TTC7B: variants seen among roughly 807,000 people sequenced by gnomAD.
TTC7B encodes tetratricopeptide repeat domain 7B, also known as tetratricopeptide repeat protein 7B.
A neutral mutation model predicts 106.8 loss-of-function variants in TTC7B; 28 were observed. The ratio of observed to expected loss-of-function variants is 0.26; its 90% CI spans 0.19 to 0.36. The LOEUF (loss-of-function observed/expected upper bound fraction) is 0.36, where lower values mean the gene tolerates loss of function less well. TTC7B is among the 10% of genes least tolerant of loss of function. TTC7B has a pLI of 1.00. For synonymous variants in TTC7B, 405 were observed against 430.6 expected (o/e 0.94, Z 0.74); for missense variants, 862 against 1,076.4 (o/e 0.80, Z 2.79).
At chr14:90,610,866 T>C in intron 16 of TTC7B, 27 bp from the exon 17 acceptor site, 1 of 1,551,796 alleles carries the variant, frequency 6.4e-7, no homozygotes, top group Non-Finnish European at 8.9e-7. Flanking sequence ...CAAATGTCAG[T>C]CACCTGCAAG....
intron 19 of TTC7B, among the ~76,000 whole-genome samples, chr14:90,561,937 C>T (rs1241012338): frequency 6.6e-6 from 1 of 152,196 alleles, no homozygotes; most frequent in East Asian, 1.9e-4. Context: ...CCTACCTGTC[C>T]TCAGGAGCCT....
chr14:90,718,153 C>A (rs1210364942), intron 5 of TTC7B, among the ~76,000 whole-genome samples: 1 of 152,230 alleles, frequency 6.6e-6, no homozygotes, highest in African/African-American at 2.4e-5. Context: ...TATTTGAAGT[C>A]TTAAAAAAGT....
rs964409719 is a variant in TTC7B, at chr14:90,802,628, A to G, written c.121+13547T>C. ...AGGAAGGGAGGGAGGAGCACATGGA[A>G]CAGACACTTTGGAGCATGGGAATCC... On this transcript the variant is annotated intron_variant, in intron 1 of 19. Coordinates refer to ENST00000328459, the MANE Select transcript of TTC7B (RefSeq NM_001010854.2). The surrounding 1 kb of genome is among the most constrained non-coding windows in gnomAD (Gnocchi z 4.7). Among the ~76,000 whole-genome samples, 5 of 152,156 alleles carry G rather than the reference A, an allele frequency of 3.3e-5. No individual in the cohort carries two copies. Among genetic ancestry groups the G allele is most frequent in the African/African-American group, 1.2e-4 (5 of 41,428 alleles).
intron 15 of TTC7B, among the ~76,000 whole-genome samples, chr14:90,629,699 A>G (rs1428410319): frequency 6.6e-6 from 1 of 152,216 alleles, no homozygotes; most frequent in Non-Finnish European, 1.5e-5. Flanking sequence ...CTTGGAAAGA[A>G]AAGCACAAAA....
chr14:90,578,003 G>T lies in TTC7B; in HGVS notation c.2310+103C>A, dbSNP rs1220484828. 2.2e-6 allele frequency: 3 copies of T among 1,371,752 alleles called. No homozygotes were observed. Among genetic ancestry groups the T allele is most frequent in the Non-Finnish European group, 3.0e-6 (3 of 1,003,146 alleles). 85.0% of individuals were successfully genotyped at this position (1,371,752 alleles called of 1,614,324 possible). A position where few individuals can be genotyped will look rare whatever the true frequency, so the allele number is the denominator to read the frequency against. On this transcript the variant is annotated intron_variant, in intron 19 of 19. Coordinates refer to ENST00000328459, the MANE Select transcript of TTC7B (RefSeq NM_001010854.2). The surrounding 1 kb of genome is among the most constrained non-coding windows in gnomAD (Gnocchi z 4.7). The stretch of plus-strand genomic sequence containing the variant: ...CAGCCTGGCAAGCTAACTGCATGGG[G>T]CCTTTGGAAGCAGAAGAGGGTGTGA...
intron 15 of TTC7B, among the ~76,000 whole-genome samples, chr14:90,635,866 T>C (rs918215111): frequency 4.6e-5 from 7 of 151,682 alleles, no homozygotes; most frequent in African/African-American, 1.7e-4. Context: ...ACGTCTGTAA[T>C]CCCAGCACTT....
chr14:90,588,886 TAAAAAAA>T lies in TTC7B; in HGVS notation c.2107+4593_2107+4599del, dbSNP rs572763059. On this transcript the variant is annotated intron_variant, in intron 18 of 19. Transcript: ENST00000328459. ...AAAACGGCAAAAGACAAACAAAAACTAAAAAAAAAAAAAAAAAAAACCCTTGGAAGAT... is the reference window on the plus strand; with the variant it reads ...AAAACGGCAAAAGACAAACAAAAACTAAAAAAAAAAAAACCCTTGGAAGAT... Among the ~76,000 whole-genome samples the T allele has an allele frequency of 6.1e-5, 5 of 81,722 alleles. No homozygotes were observed. The East Asian group carries it at 1.6e-3, about 26-fold the overall frequency. The allele number at this position is 81,722 out of a possible 152,430, so 53.6% of individuals were successfully genotyped here.
chr14:90,769,439 C>T lies in TTC7B; in HGVS notation c.445+11299G>A, dbSNP rs571120804. Among the ~76,000 whole-genome samples, 87 of 152,286 alleles carry T rather than the reference C, an allele frequency of 5.7e-4. 1 individual carries two copies. Among genetic ancestry groups the T allele is most frequent in the African/African-American group, 2.1e-3 (87 of 41,556 alleles). On this transcript the variant is annotated intron_variant, in intron 3 of 19. Coordinates refer to ENST00000328459, the MANE Select transcript of TTC7B (RefSeq NM_001010854.2). ...CCGTCTACAAGAAACTCTAGATCCA[C>T]AGACATAAATACGTTGAAAGTGAAA...
At chr14:90,714,754 G>A (rs561580201) in intron 5 of TTC7B, among the ~76,000 whole-genome samples, 55 of 152,178 alleles carry the variant, frequency 3.6e-4, no homozygotes, top group Admixed American at 3.0e-3. Flanking sequence ...ACCATGCCCC[G>A]CCTATATACA....
intron 7 of TTC7B, among the ~76,000 whole-genome samples, chr14:90,685,886 T>C (rs920663099): frequency 6.6e-6 from 1 of 152,052 alleles, no homozygotes; most frequent in Non-Finnish European, 1.5e-5. Flanking sequence ...AAAGAAAGCC[T>C]AGGTCCAGGT....
At chr14:90,695,718 C>G (rs370627377) in intron 5 of TTC7B, 140 bp from the exon 6 acceptor site, 4 of 416,994 alleles carry the variant, frequency 9.6e-6, no homozygotes, top group African/African-American at 8.3e-5. Flanking sequence ...ACATGCCTAG[C>G]CATCTTTGGT....
At chr14:90,738,117 T>C (rs1889616893) in intron 4 of TTC7B, among the ~76,000 whole-genome samples, 2 of 152,028 alleles carry the variant, frequency 1.3e-5, no homozygotes, top group South Asian at 4.1e-4. Context: ...GAAAAGAAAA[T>C]AGAAATATAA....
At chr14:90,774,999 C>T (rs1321451717) in intron 3 of TTC7B, among the ~76,000 whole-genome samples, 1 of 151,570 alleles carries the variant, frequency 6.6e-6, no homozygotes, top group Non-Finnish European at 1.5e-5. Flanking sequence ...GCCGAGATTG[C>T]GCCACTGCAC....
rs551271276 is a variant in TTC7B at position 90,610,225 on chromosome 14, T to A, written c.1966+517A>T. Among the ~76,000 whole-genome samples, 88 of 152,344 alleles carry A rather than the reference T, an allele frequency of 5.8e-4. 1 individual carries two copies. Among genetic ancestry groups the A allele is most frequent in the Non-Finnish European group, 1.0e-3 (69 of 68,036 alleles). On this transcript the variant is annotated intron_variant, in intron 17 of 19. Coordinates refer to ENST00000328459, the MANE Select transcript of TTC7B (RefSeq NM_001010854.2). ...GTTAGGTGGACTCACTCCCCTGTAC[T>A]TAGGCAAATGTGGAACACACACACG... is the stretch of plus-strand genomic sequence containing the variant.
intron 3 of TTC7B, among the ~76,000 whole-genome samples, chr14:90,751,418 A>G (rs1595347934): frequency 1.3e-5 from 2 of 152,270 alleles, no homozygotes; most frequent in South Asian, 4.1e-4. Context: ...TTTAAGAGAT[A>G]GGGTTTTACT....
At chr14:90,692,099 T>G (rs1333563523) in intron 6 of TTC7B, among the ~76,000 whole-genome samples, 1 of 152,236 alleles carries the variant, frequency 6.6e-6, no homozygotes, top group Non-Finnish European at 1.5e-5. Flanking sequence ...AACCACATGC[T>G]GCTTATCCAT....
rs1889252025 is a variant in TTC7B at position 90,530,240 on chromosome 14, C to A, written c.*11128G>T. Reference sequence around the variant, plus strand: ...CCGAGATCGCACCACTGCACTCCAGCCTGGGCAATTGAGCGAGACTCCATC... The same window carrying A: ...CCGAGATCGCACCACTGCACTCCAGACTGGGCAATTGAGCGAGACTCCATC... On this transcript the variant is annotated 3_prime_UTR_variant, in exon 20 of 20. Transcript: ENST00000328459. The A allele has an allele frequency of 6.6e-6, 1 of 152,184 alleles. No homozygotes were observed. The highest frequency in any genetic ancestry group is 2.4e-5 in the African/African-American group (1 of 41,418). 9.4% of individuals were successfully genotyped at this position (152,184 alleles called of 1,614,324 possible).
chr14:90,804,995 C>G (rs1312428899), intron 1 of TTC7B, among the ~76,000 whole-genome samples: 3 of 152,184 alleles, frequency 2.0e-5, no homozygotes, highest in South Asian at 2.1e-4. Context: ...CATGGGCATT[C>G]CGTCAGCCCC....
intron 1 of TTC7B, among the ~76,000 whole-genome samples, chr14:90,814,231 C>A (rs1412131780): frequency 2.0e-5 from 3 of 152,174 alleles, no homozygotes; most frequent in African/African-American, 7.2e-5. Context: ...AGAGCTAAGC[C>A]TTTCGGGGGC....
Sources: gnomAD v4.1 joint callset for allele counts (sites outside exome capture counted in the v4.1 genomes callset) on GRCh38, gnomAD v4.1.1 for gene constraint, Gnocchi (gnomAD v3.1) non-coding constraint, MANE v1.5 for transcripts, NCBI Gene and HGNC (gene_info 2026-07-23, HGNC 2026-07-21) for gene names.